Variants in RANBP17 observed in about 807,000 individuals in gnomAD.
RANBP17 encodes ran-binding protein 17.
Under a neutral mutation model 141.2 loss-of-function variants are expected in RANBP17, and 158 were observed. The observed-to-expected ratio is 1.12, with a 90% CI of 0.98 to 1.28. RANBP17 has a LOEUF of 1.28. Ranked by LOEUF, RANBP17 falls within the 50% of genes most tolerant of loss-of-function variation. The pLI is 0.00. For missense variants in RANBP17, 1,438 were observed against 1,290.7 expected (o/e 1.11, Z -1.75); for synonymous variants, 430 against 450.0 (o/e 0.96, Z 0.56).
intron 14 of RANBP17, among the ~76,000 whole-genome samples, chr5:171,006,298 T>G (rs377570917): frequency 6.6e-6 from 1 of 152,196 alleles, no homozygotes; most frequent in Non-Finnish European, 1.5e-5. Context: ...CATGCACACG[T>G]ATGTTCATTG....
intron 21 of RANBP17, 42 bp from the exon 22 acceptor site, chr5:171,221,716 C>A (rs755772294): frequency 1.2e-5 from 14 of 1,149,976 alleles, no homozygotes; most frequent in East Asian, 2.3e-5. Context: ...TGTTTGGTTT[C>A]TTTATCTTCA....
At chr5:171,147,339 T>TTGTGTGTGTGTG (rs59202388) in intron 14 of RANBP17, among the ~76,000 whole-genome samples, 11,608 of 104,482 alleles carry the variant, frequency 0.11, 820 homozygotes, top group Middle Eastern at 0.18. Context: ...CTTGGTTGTT[T>TTGTGTGTGTGTG]TGTGTGTGTG....
intron 21 of RANBP17, 28 bp from the exon 22 acceptor site, chr5:171,221,730 A>G (rs771895452): frequency 5.8e-6 from 8 of 1,381,128 alleles, no homozygotes; most frequent in Non-Finnish European, 8.2e-6. Flanking sequence ...ATCTTCACAT[A>G]TAGGCAATTT....
chr5:170,984,324 T>C (rs532640999), intron 14 of RANBP17, among the ~76,000 whole-genome samples: 20 of 152,236 alleles, frequency 1.3e-4, no homozygotes, highest in South Asian at 1.2e-3. Flanking sequence ...GAATAAAATA[T>C]TCTAACCAAA....
At chr5:171,160,307 A>G (rs1013875159) in intron 14 of RANBP17, among the ~76,000 whole-genome samples, 3 of 152,134 alleles carry the variant, frequency 2.0e-5, no homozygotes, top group Non-Finnish European at 4.4e-5. Flanking sequence ...TCTCCCCTCT[A>G]ACTACTACTA....
At chr5:171,042,814 T>C (rs1438709710) in intron 14 of RANBP17, among the ~76,000 whole-genome samples, 3 of 152,092 alleles carry the variant, frequency 2.0e-5, no homozygotes, top group Non-Finnish European at 4.4e-5. Flanking sequence ...GACAATCAGG[T>C]TTACGGATAG....
At chr5:171,026,764 A>C (rs1341925099) in intron 14 of RANBP17, among the ~76,000 whole-genome samples, 1 of 92,964 alleles carries the variant, frequency 1.1e-5, no homozygotes, top group Non-Finnish European at 2.8e-5. Flanking sequence ...TTTGACCCTG[A>C]GATGAGAAAT....
intron 25 of RANBP17, among the ~76,000 whole-genome samples, chr5:171,279,764 G>A (rs1213519120): frequency 6.6e-6 from 1 of 151,822 alleles, no homozygotes; most frequent in African/African-American, 2.4e-5. Context: ...ATCCTGCAGT[G>A]ACTGTATGAG....
In RANBP17 at chr5:171,088,160, GT is replaced by G. The variant is rs1353747516; in HGVS notation, c.1711-81969del. ...CAGGAGCTCTTTTAGGGCAGGCCTGGTGGTGACAAAATCGGTCAGCATTTGC... is the reference window on the plus strand; with the variant it reads ...CAGGAGCTCTTTTAGGGCAGGCCTGGGGTGACAAAATCGGTCAGCATTTGC... On this transcript the variant is annotated intron_variant, in intron 14 of 27. Transcript: ENST00000523189. Among the ~76,000 whole-genome samples, 21 of 151,656 alleles carry G rather than the reference GT, an allele frequency of 1.4e-4. 1 individual carries two copies. The highest frequency in any genetic ancestry group is 2.8e-4 in the Non-Finnish European group (19 of 67,936).
At chr5:171,006,966 A>C (rs564855979) in intron 14 of RANBP17, among the ~76,000 whole-genome samples, 5 of 152,198 alleles carry the variant, frequency 3.3e-5, no homozygotes, top group Admixed American at 3.3e-4. Flanking sequence ...ATACCTGGGG[A>C]ATCTGCCTGA....
At chr5:170,967,535 A>G (rs970630047) in intron 13 of RANBP17, among the ~76,000 whole-genome samples, 3 of 151,542 alleles carry the variant, frequency 2.0e-5, no homozygotes, top group South Asian at 2.1e-4. Flanking sequence ...GTTCTGCACT[A>G]AGTTTTTCAT....
chr5:171,161,287 T>C (rs2127857088), intron 14 of RANBP17: 1 of 176,892 alleles, frequency 5.7e-6, no homozygotes, highest in Middle Eastern at 2.2e-3. Context: ...GTCCCAAGAA[T>C]ATCATAAGTA....
At chr5:171,017,330 C>CCGT (rs1432821868) in intron 14 of RANBP17, among the ~76,000 whole-genome samples, 1 of 152,216 alleles carries the variant, frequency 6.6e-6, no homozygotes, top group African/African-American at 2.4e-5. Flanking sequence ...AATTGCCATA[C>CCGT]TGTCTTCCAC....
intron 24 of RANBP17, chr5:171,252,886 A>G: frequency 1.4e-6 from 2 of 1,418,888 alleles, no homozygotes; most frequent in Non-Finnish European, 2.0e-6. Flanking sequence ...CATTGTAGAA[A>G]AAATAGATGC....
intron 14 of RANBP17, among the ~76,000 whole-genome samples, chr5:171,089,499 T>G (rs1032125678): frequency 3.3e-5 from 5 of 152,012 alleles, no homozygotes; most frequent in Non-Finnish European, 7.4e-5. Flanking sequence ...AGCTCGAGCT[T>G]CCCGGCTGCT....
intron 22 of RANBP17, among the ~76,000 whole-genome samples, chr5:171,227,001 TG>T (rs1452350403): frequency 3.3e-5 from 5 of 152,210 alleles, no homozygotes; most frequent in Admixed American, 6.5e-5. Flanking sequence ...TGCTCTGCTT[TG>T]GCCATTCCCC....
At chr5:171,210,999 G>A (rs1466458266) in intron 20 of RANBP17, among the ~76,000 whole-genome samples, 8 of 92,126 alleles carry the variant, frequency 8.7e-5, no homozygotes, top group African/African-American at 3.2e-4. Flanking sequence ...ACAAGACCCC[G>A]TCAAAAAAAA....
intron 4 of RANBP17, among the ~76,000 whole-genome samples, chr5:170,893,159 C>T (rs1454049533): frequency 6.7e-6 from 1 of 149,954 alleles, no homozygotes; most frequent in Non-Finnish European, 1.5e-5. Context: ...ATTTTAAAAA[C>T]AATATTTTTA....
chr5:171,022,376 T>C (rs1780927775), intron 14 of RANBP17, among the ~76,000 whole-genome samples: 1 of 152,186 alleles, frequency 6.6e-6, no homozygotes, highest in South Asian at 2.1e-4. Context: ...CCTGGATTCC[T>C]CAGAACTACG....
Sources: allele counts gnomAD v4.1 joint callset (sites outside exome capture counted in the v4.1 genomes callset), GRCh38; gene constraint gnomAD v4.1.1; transcripts MANE v1.5; gene names NCBI Gene and HGNC (gene_info 2026-07-23, HGNC 2026-07-21).